Variants in EDNRB observed in about 807,000 individuals in gnomAD.
The protein encoded by EDNRB is Hirschsprung disease 2.
Under a neutral mutation model 46.4 loss-of-function variants are expected in EDNRB, and 18 were observed. The ratio of observed to expected loss-of-function variants is 0.39; its 90% CI spans 0.27 to 0.57. The LOEUF (loss-of-function observed/expected upper bound fraction) is 0.57. Ranked by LOEUF, EDNRB falls within the 20% of genes least tolerant of loss-of-function variation. The pLI is 0.61. For synonymous variants in EDNRB, 213 were observed against 204.9 expected (o/e 1.04, Z -0.34); for missense variants, 434 against 537.5 (o/e 0.81, Z 1.90).
chr13:77,919,741 T>C (rs1043083307), upstream of EDNRB: 1 of 884,528 alleles, frequency 1.1e-6, no homozygotes, highest in Non-Finnish European at 1.7e-6. Flanking sequence ...GCAGTCCTCG[T>C]CCGGGGACAG....
rs1483974767 is a variant in EDNRB, at chr13:77,896,662, T to C, written c.*1538A>G. 2 of 1,471,386 alleles carry C rather than the reference T, an allele frequency of 1.4e-6. No individual in the cohort carries two copies. The highest frequency in any genetic ancestry group is 5.3e-5 in the East Asian group (2 of 37,828). The allele number at this position is 1,471,386 out of a possible 1,614,324, so 91.1% of individuals were successfully genotyped here. ...AAGTCACTCTGAGAACATTGCACTG[T>C]GTTTTGCTGGAACAAAATCAGGACC... On this transcript the variant is annotated 3_prime_UTR_variant, in exon 7 of 7. Coordinates refer to ENST00000646607, the MANE Select transcript of EDNRB (RefSeq NM_001122659.3).
At chr13:77,920,011 A>T, upstream of EDNRB, 1 of 167,122 alleles carries the variant, frequency 6.0e-6, no homozygotes, top group Non-Finnish European at 1.3e-5. Context: ...TTTCAAGCCA[A>T]CATTAACCCC....
At position 77,918,421 on chromosome 13, in the gene EDNRB, C is replaced by A; in HGVS notation, c.153G>T (p.Lys51Asn). ...CGTTGGAACCCTTGGGCCATAAGGT[C>A]TTAGTGGGTGGCGTCATTATCTCTG... ...QTAEIMTPPT[K>N]TLWPKGSNAS... The change falls in exon 1 of 7, where the codon AAG becomes AAT. Residue 51 changes from lysine (K) to asparagine (N), a missense_variant. Physicochemically the swap from Lys to Asn is moderately conservative, Grantham distance 94. Coordinates refer to ENST00000646607, the MANE Select transcript of EDNRB (RefSeq NM_001122659.3). This position sits in a 1 kb window ranked among gnomAD's most constrained non-coding sequence, Gnocchi z 4.5. 6.3e-7 allele frequency: 1 copy of A among 1,580,470 alleles called. No individual in the cohort carries two copies. The highest frequency in any genetic ancestry group is 8.6e-7 in the Non-Finnish European group (1 of 1,164,274).
chr13:77,937,609 T>C (rs1221205030), intron 1 of EDNRB, among the ~76,000 whole-genome samples: 1 of 152,154 alleles, frequency 6.6e-6, no homozygotes, highest in Non-Finnish European at 1.5e-5. Context: ...GCCACCTCTC[T>C]AAGAGGAAAT....
chr13:77,902,019 C>T (rs1045319249), intron 3 of EDNRB, among the ~76,000 whole-genome samples: 3 of 151,882 alleles, frequency 2.0e-5, no homozygotes, highest in Admixed American at 2.0e-4. Context: ...TGGGAAGAGC[C>T]TTTTACACTC....
intron 1 of EDNRB, among the ~76,000 whole-genome samples, chr13:77,910,124 G>A (rs771792753): frequency 1.2e-4 from 18 of 151,976 alleles, no homozygotes; most frequent in African/African-American, 3.6e-4. Context: ...GTTAAGTTTC[G>A]TGGAAGTAGA....
intron 3 of EDNRB, 88 bp from the exon 4 acceptor site, chr13:77,901,295 G>C (rs1191114444): frequency 8.7e-6 from 12 of 1,377,886 alleles, no homozygotes; most frequent in Non-Finnish European, 1.2e-5. Flanking sequence ...AATTCATCAG[G>C]GAATGATTAT....
upstream of EDNRB, among the ~76,000 whole-genome samples, chr13:77,921,333 T>A (rs1465061211): frequency 6.6e-6 from 1 of 152,226 alleles, no homozygotes. Context: ...TACACATTCC[T>A]CATTTGGAAT....
chr13:77,959,140 A>G (rs1386821183), intron 1 of EDNRB, among the ~76,000 whole-genome samples: 2 of 152,164 alleles, frequency 1.3e-5, no homozygotes, highest in Non-Finnish European at 2.9e-5. Flanking sequence ...CTTCATCATT[A>G]CTTGAACCTC....
At chr13:77,898,702 A>G (rs1333441024) in intron 6 of EDNRB, among the ~76,000 whole-genome samples, 1 of 152,002 alleles carries the variant, frequency 6.6e-6, no homozygotes, top group Non-Finnish European at 1.5e-5. Context: ...ACACATGTAT[A>G]TGTGCATGTG....
chr13:77,940,095 T>C (rs1240030181), intron 1 of EDNRB: 1 of 152,182 alleles, frequency 6.6e-6, no homozygotes, highest in Admixed American at 6.5e-5. Flanking sequence ...GTATTCACTA[T>C]TAATACAGTT....
At chr13:77,905,267 G>A (rs1879217723) in intron 1 of EDNRB, among the ~76,000 whole-genome samples, 3 of 151,658 alleles carry the variant, frequency 2.0e-5, no homozygotes, top group Non-Finnish European at 4.4e-5. Flanking sequence ...TTGCTAAGGG[G>A]CTCCAAATAC....
chr13:77,910,744 CCT>C (rs1424482994), intron 1 of EDNRB, among the ~76,000 whole-genome samples: 2 of 152,026 alleles, frequency 1.3e-5, no homozygotes, highest in African/African-American at 4.8e-5. Flanking sequence ...TACAGTGCCC[CCT>C]AGAGTTGTGC....
At chr13:77,910,190 G>A (rs1879503773) in intron 1 of EDNRB, among the ~76,000 whole-genome samples, 2 of 152,030 alleles carry the variant, frequency 1.3e-5, no homozygotes, top group African/African-American at 2.4e-5. Context: ...TGAGTGAGTG[G>A]TGTAATTAAG....
At chr13:77,919,345 AG>A, upstream of EDNRB, 1 of 1,561,690 alleles carries the variant, frequency 6.4e-7, no homozygotes, top group Non-Finnish European at 8.8e-7. Flanking sequence ...CCGAAGCCCC[AG>A]AATAAGGTTC....
intron 1 of EDNRB, 28 bp from the exon 2 acceptor site, chr13:77,903,635 T>C: frequency 6.3e-7 from 1 of 1,598,818 alleles, no homozygotes; most frequent in Non-Finnish European, 8.6e-7. Flanking sequence ...GAAGCTCTGT[T>C]AGGGGGTTTC....
At chr13:77,920,963 C>A (rs1209066637), upstream of EDNRB, among the ~76,000 whole-genome samples, 1 of 152,150 alleles carries the variant, frequency 6.6e-6, no homozygotes, top group Non-Finnish European at 1.5e-5. Flanking sequence ...GCCTTCTCAT[C>A]ATCTCCATCT....
rs1878698664 is a variant in EDNRB at position 77,897,583 on chromosome 13, T to A, written c.*617A>T. 1 of 985,322 alleles carries A rather than the reference T, an allele frequency of 1.0e-6. No homozygotes were observed. The highest frequency in any genetic ancestry group is 4.7e-5 in the South Asian group (1 of 21,292). The allele number at this position is 985,322 out of a possible 1,614,324, so 61.0% of individuals were successfully genotyped here. On this transcript the variant is annotated 3_prime_UTR_variant, in exon 7 of 7. Coordinates refer to ENST00000646607, the MANE Select transcript of EDNRB (RefSeq NM_001122659.3). Reference sequence around the variant, plus strand: ...AGAATGCTGAGGTTTGGGCTTCTAGTGAAAGTGTAATGATTTTCAAAAACA... The same window carrying A: ...AGAATGCTGAGGTTTGGGCTTCTAGAGAAAGTGTAATGATTTTCAAAAACA...
At chr13:77,898,793 C>T (rs12720201) in intron 6 of EDNRB, among the ~76,000 whole-genome samples, 6,740 of 151,956 alleles carry the variant, frequency 0.044, 196 homozygotes, top group Admixed American at 0.072. Context: ...TTCACAAACA[C>T]CTCATCCCAA....
Sources: allele counts gnomAD v4.1 joint callset (sites outside exome capture counted in the v4.1 genomes callset), GRCh38; gene constraint gnomAD v4.1.1; non-coding constraint Gnocchi (gnomAD v3.1); transcripts MANE v1.5; gene names NCBI Gene and HGNC (gene_info 2026-07-23, HGNC 2026-07-21).